Variants in GAS2 observed in about 807,000 individuals in gnomAD.
GAS2 encodes the protein growth arrest specific 2, also known as growth arrest-specific protein 2.
Under a neutral mutation model 37.5 loss-of-function variants are expected in GAS2, and 20 were observed. That is an observed-to-expected ratio of 0.53 (90% CI 0.37 to 0.77). The LOEUF is 0.77. Among genes scored for constraint, GAS2 ranks in the 30% least tolerant of loss-of-function variants. The pLI is 0.00. For missense variants in GAS2, 336 were observed against 373.4 expected (o/e 0.90, Z 0.82); for synonymous variants, 144 against 132.2 (o/e 1.09, Z -0.61).
intron 2 of GAS2, 34 bp downstream of exon 2, chr11:22,675,048 A>G (rs558922753): frequency 1.9e-6 from 3 of 1,604,722 alleles, no homozygotes; most frequent in African/African-American, 2.7e-5. Context: ...GTGAGCAAAG[A>G]CAACAGTTTT....
intron 7 of GAS2, among the ~76,000 whole-genome samples, chr11:22,780,573 A>AAAAG (rs1855511818): frequency 1.3e-5 from 2 of 151,380 alleles, no homozygotes; most frequent in Admixed American, 6.6e-5. Flanking sequence ...AAAAAAAAAA[A>AAAAG]AAAGATTGTA....
At chr11:22,777,289 A>C (rs1174444590) in intron 7 of GAS2, among the ~76,000 whole-genome samples, 2 of 152,172 alleles carry the variant, frequency 1.3e-5, no homozygotes, top group Non-Finnish European at 2.9e-5. Context: ...AATAGGCATT[A>C]CCTCTTGTAT....
At chr11:22,789,319 C>T (rs1222523656) in intron 7 of GAS2, among the ~76,000 whole-genome samples, 14 of 136,840 alleles carry the variant, frequency 1.0e-4, no homozygotes, top group African/African-American at 3.9e-4. Context: ...CACACACACA[C>T]ACACACACAC....
At chr11:22,759,421 A>C (rs1590099008) in intron 7 of GAS2, among the ~76,000 whole-genome samples, 1 of 152,346 alleles carries the variant, frequency 6.6e-6, no homozygotes, top group East Asian at 1.9e-4. Flanking sequence ...GTACAGAGAA[A>C]AACCTCTGAG....
At chr11:22,627,164 G>C (rs539253744) in intron 1 of GAS2, among the ~76,000 whole-genome samples, 2 of 152,274 alleles carry the variant, frequency 1.3e-5, no homozygotes, top group African/African-American at 4.8e-5. Flanking sequence ...TTATCCTAAG[G>C]ATACTATGAA....
In GAS2 at chr11:22,721,552, T is replaced by C. The variant is rs10454000; in HGVS notation, c.268-4740T>C. Among the ~76,000 whole-genome samples, 365 of 152,126 alleles carry C rather than the reference T, an allele frequency of 2.4e-3. 9 individuals are homozygous for C. The East Asian group carries it at 0.058, about 24-fold the overall frequency. On this transcript the variant is annotated intron_variant, in intron 3 of 7. Transcript: ENST00000454584. ...ACACCACACTTTATAAAACTCCAAA[T>C]TATAAATTCACTTCTCCCACTATGA... is the stretch of plus-strand genomic sequence containing the variant.
chr11:22,655,616 T>C (rs930673850), intron 1 of GAS2, among the ~76,000 whole-genome samples: 1 of 152,214 alleles, frequency 6.6e-6, no homozygotes, highest in African/African-American at 2.4e-5. Flanking sequence ...TTGGGAAAAA[T>C]TAGTGTCTGT....
At chr11:22,783,228 A>AC (rs35923903) in intron 7 of GAS2, among the ~76,000 whole-genome samples, 88,638 of 151,808 alleles carry the variant, frequency 0.58, 26,020 homozygotes, top group African/African-American at 0.61. Flanking sequence ...TTTGTTAGCC[A>AC]TTGTTTGTCT....
Position 22,811,795 on chromosome 11 carries a change from C to G in GAS2, c.724-3C>G. The stretch of plus-strand genomic sequence containing the variant: ...TAACACTTTTGATATTTTTTCATTT[C>G]AGATGCTGCACAACAAACATGTCAT... On this transcript the variant is annotated splice_region_variant and splice_polypyrimidine_tract_variant and intron_variant, in intron 7 of 7. Coordinates refer to ENST00000454584, the MANE Select transcript of GAS2 (RefSeq NM_001143830.3). 1 of 1,613,208 alleles carries G rather than the reference C, an allele frequency of 6.2e-7. No individual in the cohort carries two copies. The highest frequency in any genetic ancestry group is 8.5e-7 in the Non-Finnish European group (1 of 1,179,530).
chr11:22,788,738 TAGTC>T (rs201853313), intron 7 of GAS2, among the ~76,000 whole-genome samples: 2 of 152,302 alleles, frequency 1.3e-5, no homozygotes, highest in East Asian at 1.9e-4. Context: ...CATCGTATAA[TAGTC>T]AGTAGTATAA....
intron 7 of GAS2, among the ~76,000 whole-genome samples, chr11:22,791,775 C>A (rs1428685208): frequency 6.6e-6 from 1 of 152,104 alleles, no homozygotes; most frequent in Admixed American, 6.5e-5. Context: ...ATAGATAAGG[C>A]GATGACTTCA....
At chr11:22,686,328 C>T (rs1472576675) in intron 3 of GAS2, among the ~76,000 whole-genome samples, 2 of 151,870 alleles carry the variant, frequency 1.3e-5, no homozygotes, top group Admixed American at 6.6e-5. Context: ...ATTATAAACA[C>T]TTGATGAAAG....
At chr11:22,803,771 T>C (rs572876525) in intron 7 of GAS2, among the ~76,000 whole-genome samples, 1 of 152,126 alleles carries the variant, frequency 6.6e-6, no homozygotes, top group Non-Finnish European at 1.5e-5. Flanking sequence ...AAATGAAGAC[T>C]ACATCATCCC....
At chr11:22,636,456 C>T (rs183706121) in intron 1 of GAS2, among the ~76,000 whole-genome samples, 52 of 152,276 alleles carry the variant, frequency 3.4e-4, no homozygotes, top group African/African-American at 1.3e-3. Context: ...CTTACCCTCC[C>T]ACATTGCATA....
chr11:22,697,645 G>A (rs1020503747), intron 3 of GAS2, among the ~76,000 whole-genome samples: 1 of 152,062 alleles, frequency 6.6e-6, no homozygotes, highest in Admixed American at 6.6e-5. Context: ...AGTTCTCCTT[G>A]AAGAGGTCCT....
intron 7 of GAS2, among the ~76,000 whole-genome samples, chr11:22,805,896 G>A (rs1856859630): frequency 6.6e-6 from 1 of 152,072 alleles, no homozygotes; most frequent in South Asian, 2.1e-4. Context: ...CATGGCACTG[G>A]TGGGAGTGTC....
At chr11:22,770,827 T>C (rs1183814592) in intron 7 of GAS2, among the ~76,000 whole-genome samples, 1 of 152,234 alleles carries the variant, frequency 6.6e-6, no homozygotes, top group Non-Finnish European at 1.5e-5. Context: ...TTTAGTCTTG[T>C]CACAAAGGAT....
rs1857204283 is a variant in GAS2, at chr11:22,812,053, C to T, written c.*37C>T. 1 of 1,426,874 alleles carries T rather than the reference C, an allele frequency of 7.0e-7. No homozygotes were observed. The highest frequency in any genetic ancestry group is 2.3e-5 in the East Asian group (1 of 43,930). The allele number at this position is 1,426,874 out of a possible 1,614,324, so 88.4% of individuals were successfully genotyped here. On this transcript the variant is annotated 3_prime_UTR_variant, in exon 8 of 8. Coordinates refer to ENST00000454584, the MANE Select transcript of GAS2 (RefSeq NM_001143830.3). ...CATGACAAGGGGACCCTCATAATGGCCTGTATCCACTTCTCCAGTATAGTC... is the reference window on the plus strand; with the variant it reads ...CATGACAAGGGGACCCTCATAATGGTCTGTATCCACTTCTCCAGTATAGTC...
chr11:22,751,365 T>C (rs1036664854), intron 6 of GAS2, among the ~76,000 whole-genome samples: 3 of 152,034 alleles, frequency 2.0e-5, no homozygotes, highest in African/African-American at 7.2e-5. Flanking sequence ...CAGGTATAAC[T>C]GGCAAATCAT....
Sources: allele counts gnomAD v4.1 joint callset (sites outside exome capture counted in the v4.1 genomes callset), GRCh38; gene constraint gnomAD v4.1.1; transcripts MANE v1.5; gene names NCBI Gene and HGNC (gene_info 2026-07-23, HGNC 2026-07-21).